Variants in SLC75A1 observed in about 807,000 individuals in gnomAD.
SLC75A1 encodes the protein solute carrier family 75 member 1, also known as major facilitator superfamily domain containing 10.
At chr4:2,930,968 T>C in the SLC75A1 span, 1 of 1,612,850 alleles carries the variant, frequency 6.2e-7, no homozygotes, top group South Asian at 1.1e-5. Context: ...GGAGAGACGG[T>C]GGCGTCACCC....
chr4:2,932,731 A>G, the SLC75A1 span: 8 of 1,587,982 alleles, frequency 5.0e-6, no homozygotes, highest in Non-Finnish European at 5.1e-6. Context: ...GAGGTGGCCC[A>G]GACTGCATAT....
chr4:2,931,153 G>A, the SLC75A1 span: 2 of 1,561,312 alleles, frequency 1.3e-6, no homozygotes, highest in Non-Finnish European at 1.7e-6. Context: ...TGGTGAGCCT[G>A]TGGGAAGAGG....
At chr4:2,933,857 G>GGCGCTCC in the SLC75A1 span, 1 of 1,585,762 alleles carries the variant, frequency 6.3e-7, no homozygotes, top group African/African-American at 1.3e-5. Flanking sequence ...GTGACCACGC[G>GGCGCTCC]GCGCTCCGGC....
the SLC75A1 span, chr4:2,931,346 G>A: frequency 1.4e-5 from 21 of 1,543,984 alleles, no homozygotes; most frequent in Non-Finnish European, 1.6e-5. Flanking sequence ...GCTGCCCATC[G>A]GATCCCCTGC....
the SLC75A1 span, chr4:2,933,736 G>A: frequency 4.4e-6 from 7 of 1,603,854 alleles, no homozygotes; most frequent in Admixed American, 3.4e-5. Context: ...ACTGTGGGCC[G>A]CAGGGCAAGG....
At chr4:2,930,802 C>G in the SLC75A1 span, 14 of 1,609,056 alleles carry the variant, frequency 8.7e-6, no homozygotes, top group South Asian at 1.4e-4. Flanking sequence ...GGCTCCCACT[C>G]TGCCTGGTGC....
the SLC75A1 span, chr4:2,931,432 TGAG>T: frequency 9.1e-5 from 142 of 1,558,642 alleles, no homozygotes; most frequent in South Asian, 3.4e-4. Context: ...CCCCAGCCGA[TGAG>T]GAGGAAGGCG....
chr4:2,932,420 C>A, the SLC75A1 span: 2 of 1,613,576 alleles, frequency 1.2e-6, no homozygotes, highest in African/African-American at 1.3e-5. Context: ...CTGCGAAGAG[C>A]AGGGCAAACC....
At chr4:2,932,344 G>A in the SLC75A1 span, 1 of 1,611,314 alleles carries the variant, frequency 6.2e-7, no homozygotes, top group Non-Finnish European at 8.5e-7. Context: ...CCAGACCACA[G>A]CCCTACCCGT....
the SLC75A1 span, chr4:2,934,605 C>T: frequency 9.5e-6 from 1 of 104,884 alleles, no homozygotes; most frequent in East Asian, 3.0e-4. Flanking sequence ...CAGCCCCACA[C>T]CCCGCGCGCC....
At chr4:2,932,898 C>T in the SLC75A1 span, 1 of 1,182,240 alleles carries the variant, frequency 8.5e-7, no homozygotes, top group East Asian at 2.6e-5. Context: ...GTTCTCAGTG[C>T]CTTCCTAGGG....
chr4:2,931,997 A>G, the SLC75A1 span: 1 of 1,603,626 alleles, frequency 6.2e-7, no homozygotes, highest in Non-Finnish European at 8.5e-7. Context: ...CCGCCCGGGG[A>G]AGCCCAGGGG....
the SLC75A1 span, chr4:2,932,156 G>A: frequency 4.4e-6 from 7 of 1,602,732 alleles, no homozygotes; most frequent in South Asian, 2.2e-5. Flanking sequence ...GAGGGCGCCT[G>A]TGGGGATGGC....
the SLC75A1 span, chr4:2,932,778 A>C: frequency 4.5e-6 from 7 of 1,542,072 alleles, no homozygotes; most frequent in South Asian, 8.9e-5. Flanking sequence ...GGCAGGGGCC[A>C]AGAGGCAGGG....
the SLC75A1 span, chr4:2,932,267 G>T: frequency 6.4e-7 from 1 of 1,553,406 alleles, no homozygotes. Flanking sequence ...CTGGCATCTG[G>T]GGCTGGCACA....
chr4:2,930,835 C>T, the SLC75A1 span: 11 of 1,612,876 alleles, frequency 6.8e-6, no homozygotes, highest in South Asian at 1.1e-5. Flanking sequence ...CACAGTGGCT[C>T]AGCTACTCAG....
chr4:2,932,756 C>G, the SLC75A1 span: 4 of 1,560,704 alleles, frequency 2.6e-6, no homozygotes, highest in East Asian at 2.2e-5. Context: ...TGGCCACACC[C>G]ATCTGCCCAG....
the SLC75A1 span, chr4:2,930,610 A>G: frequency 1.7e-6 from 1 of 587,864 alleles, no homozygotes; most frequent in African/African-American, 1.9e-5. Flanking sequence ...AACCTGGTGC[A>G]TAGTTTAAAA....
the SLC75A1 span, chr4:2,931,288 T>C: frequency 6.4e-7 from 1 of 1,551,252 alleles, no homozygotes; most frequent in Non-Finnish European, 8.7e-7. Context: ...GTGGGAGACA[T>C]CGAGGAGGTG....
Sources: allele counts gnomAD v4.1 joint callset, GRCh38; gene constraint gnomAD v4.1.1; transcripts MANE v1.5; gene names NCBI Gene and HGNC (gene_info 2026-07-23, HGNC 2026-07-21).